The following DNAH17 variants were observed in gnomAD, a reference collection of about 807,000 sequenced individuals.
The protein encoded by DNAH17 is axonemal beta dynein heavy chain 17.
In DNAH17, 376 loss-of-function variants were observed where a neutral mutation model predicts 485.6. That is an observed-to-expected ratio of 0.77 (90% CI 0.71 to 0.84). DNAH17 has a LOEUF of 0.84. Among genes scored for constraint, DNAH17 ranks in the 40% least tolerant of loss-of-function variants. DNAH17 has a pLI of 0.00. For synonymous variants in DNAH17, 3,031 were observed against 2,405.9 expected (o/e 1.26, Z -7.60); for missense variants, 6,370 against 5,839.3 (o/e 1.09, Z -2.96).
At position 78,423,862 on chromosome 17, in the gene DNAH17, T is replaced by A. The variant is rs2086218205; in HGVS notation, c.*44A>T. On this transcript the variant is annotated 3_prime_UTR_variant, in exon 81 of 81. Transcript: ENST00000389840. The stretch of plus-strand genomic sequence containing the variant: ...CAGGTGCACAGGTGAAGGGCTGAGT[T>A]GTGGTCCAGCCCCAGGGAGTGTGGG... 6.2e-7 allele frequency: 1 copy of A among 1,606,680 alleles called. No individual in the cohort carries two copies. The highest frequency in any genetic ancestry group is 8.5e-7 in the Non-Finnish European group (1 of 1,174,968).
In DNAH17 at chr17:78,562,608, C is replaced by A. The variant is rs547320986; in HGVS notation, c.1570-628G>T. 3.5e-3 allele frequency among the ~76,000 whole-genome samples: 536 copies of A among 152,170 alleles called. 4 individuals carry two copies. The highest frequency in any genetic ancestry group is 0.012 in the African/African-American group (483 of 41,514). On this transcript the variant is annotated intron_variant, in intron 11 of 80. Coordinates refer to ENST00000389840, the MANE Select transcript of DNAH17 (RefSeq NM_173628.4). ...CTGCACCCCAGCCTGGGCAACAGAG[C>A]AAGACCCTGTCTCCAGAAAAAACAA...
intron 25 of DNAH17, among the ~76,000 whole-genome samples, chr17:78,523,637 G>A (rs2090990357): frequency 6.6e-6 from 1 of 152,252 alleles, no homozygotes; most frequent in African/African-American, 2.4e-5. Context: ...AGATACTGGA[G>A]GCTGATGCCT....
chr17:78,500,657 C>T (rs935238121), intron 35 of DNAH17, 196 bp from the exon 36 acceptor site: 21 of 437,990 alleles, frequency 4.8e-5, no homozygotes, highest in Middle Eastern at 6.3e-4. Context: ...TATAGGCGCC[C>T]GCCACCATGC....
At chr17:78,553,492 G>A (rs535275681) in intron 14 of DNAH17, among the ~76,000 whole-genome samples, 1 of 151,722 alleles carries the variant, frequency 6.6e-6, no homozygotes, top group African/African-American at 2.4e-5. Flanking sequence ...AGTAGACGCA[G>A]GGTTTCACTA....
At chr17:78,525,924 A>C (rs1040160207) in intron 24 of DNAH17, among the ~76,000 whole-genome samples, 2 of 152,182 alleles carry the variant, frequency 1.3e-5, no homozygotes, top group Non-Finnish European at 2.9e-5. Context: ...GAGTGAGGCA[A>C]CCCTGAGGAC....
chr17:78,426,992 A>T lies in DNAH17; in HGVS notation c.12705T>A (p.Cys4235Ter). Residue 4235 changes from cysteine (C) to a stop codon, truncating the protein, a stop_gained, in exon 78 of 81, where the codon TGT becomes TGA. Coordinates refer to ENST00000389840, the MANE Select transcript of DNAH17 (RefSeq NM_173628.4). LOFTEE classifies it high-confidence loss of function. Reference protein sequence around the residue: ...TPYVVVAFQECERMNILTNEM... With the variant: ...TPYVVVAFQE ...CGTTGGTCAGGATGTTCATTCTTTC[A>T]CATTCTTGAAAGGCGACTACCACGT... The T allele has an allele frequency of 6.2e-7, 1 of 1,610,432 alleles. No homozygotes were observed. The highest frequency in any genetic ancestry group is 8.5e-7 in the Non-Finnish European group (1 of 1,178,462).
intron 13 of DNAH17, 27 bp from the exon 14 acceptor site, chr17:78,558,281 C>T (rs1054968482): frequency 3.7e-6 from 6 of 1,610,594 alleles, no homozygotes; most frequent in Non-Finnish European, 8.5e-7. Context: ...GATCAAAGAA[C>T]ATGTCAGCAG....
chr17:78,445,530 A>C, intron 70 of DNAH17, 28 bp downstream of exon 70: 2 of 1,556,364 alleles, frequency 1.3e-6, no homozygotes, highest in South Asian at 2.4e-5. Context: ...GGGAGAAAGC[A>C]CAACGTGTTC....
chr17:78,502,017 C>T, intron 33 of DNAH17, 144 bp from the exon 34 acceptor site: 3 of 1,180,694 alleles, frequency 2.5e-6, no homozygotes, highest in Non-Finnish European at 3.6e-6. Flanking sequence ...CTCGGTAGGC[C>T]CCAGCCAGGC....
intron 51 of DNAH17, 157 bp downstream of exon 51, chr17:78,478,868 C>G (rs2089225089): frequency 1.6e-6 from 1 of 637,838 alleles, no homozygotes; most frequent in South Asian, 2.1e-5. Context: ...CTGTCACCAC[C>G]ACCATTACCA....
At chr17:78,554,427 ACT>A (rs1223121490) in intron 14 of DNAH17, among the ~76,000 whole-genome samples, 11 of 114,282 alleles carry the variant, frequency 9.6e-5, no homozygotes, top group African/African-American at 2.3e-4. Context: ...ATAGAATGAG[ACT>A]CTGTCTCAAA....
rs142690219 is a variant in DNAH17 at position 78,499,317 on chromosome 17, G to GC, written c.5641-206dup. 22,176 of 407,302 alleles carry GC rather than the reference G, an allele frequency of 0.054. 922 individuals carry two copies. The highest frequency in any genetic ancestry group is 0.14 in the African/African-American group (6,911 of 48,660). 25.2% of individuals were successfully genotyped at this position (407,302 alleles called of 1,614,324 possible). On this transcript the variant is annotated intron_variant, in intron 36 of 80. Coordinates refer to ENST00000389840, the MANE Select transcript of DNAH17 (RefSeq NM_173628.4). ...CGTGGAGGGCTGGACACGAGGAAGA[G>GC]CCATCCTTTCACCCTTGCCTCCCAG...
chr17:78,486,047 G>A lies in DNAH17; in HGVS notation c.7188C>T (p.Asp2396=). ...IKFPSQGTIF[D]YYIDPDTKKF... ...TTTTTGTGTCAGGATCAATGTAGTAGTCAAAAATCGTTCCCTGCGAGGGGA... is the reference window on the plus strand; with the variant it reads ...TTTTTGTGTCAGGATCAATGTAGTAATCAAAAATCGTTCCCTGCGAGGGGA... The change falls in exon 46 of 81, where the codon GAC becomes GAT. Residue 2396 remains aspartate (D), a synonymous_variant. Coordinates refer to ENST00000389840, the MANE Select transcript of DNAH17 (RefSeq NM_173628.4). 3 of 1,613,980 alleles carry A rather than the reference G, an allele frequency of 1.9e-6. No homozygotes were observed. The highest frequency in any genetic ancestry group is 2.5e-6 in the Non-Finnish European group (3 of 1,179,894).
intron 25 of DNAH17, among the ~76,000 whole-genome samples, chr17:78,524,693 A>C (rs2091018058): frequency 6.6e-6 from 1 of 151,322 alleles, no homozygotes. Flanking sequence ...TCCTTACTTA[A>C]AAAAATTTCT....
In DNAH17 at chr17:78,569,137, G is replaced by A. The variant is rs769686238; in HGVS notation, c.1284+29C>T. The stretch of plus-strand genomic sequence containing the variant: ...GGGTAGGAGCAGTCTGGGAAGTGGA[G>A]GTCAAGATGCACCGAGTTCTGTTTT... On this transcript the variant is annotated intron_variant, in intron 9 of 80. Coordinates refer to ENST00000389840, the MANE Select transcript of DNAH17 (RefSeq NM_173628.4). 5 of 1,545,920 alleles carry A rather than the reference G, an allele frequency of 3.2e-6. No homozygotes were observed. The African/African-American group carries it at 5.4e-5, about 17-fold the overall frequency.
At chr17:78,540,542 G>A (rs1490780964) in intron 17 of DNAH17, among the ~76,000 whole-genome samples, 1 of 97,648 alleles carries the variant, frequency 1.0e-5, no homozygotes. Context: ...TGGGTGGATG[G>A]GTGGGTGGGT....
intron 27 of DNAH17, among the ~76,000 whole-genome samples, chr17:78,508,019 G>A (rs2090535583): frequency 6.6e-6 from 1 of 152,158 alleles, no homozygotes; most frequent in Non-Finnish European, 1.5e-5. Context: ...TGGAACATAA[G>A]CCACTAAAGG....
In DNAH17 at chr17:78,495,691, G is replaced by A. The variant is rs61229126; in HGVS notation, c.5903+184C>T. On this transcript the variant is annotated intron_variant, in intron 38 of 80. Transcript: ENST00000389840. ...GACCTCAGGTGATCCACCCTCCTCAGCCGCCCAAAGTGCTGACATTACAGA... is the reference window on the plus strand; with the variant it reads ...GACCTCAGGTGATCCACCCTCCTCAACCGCCCAAAGTGCTGACATTACAGA... Among the ~76,000 whole-genome samples, 24,796 of 152,032 alleles carry A rather than the reference G, an allele frequency of 0.16. 2,149 individuals are homozygous for A. Among genetic ancestry groups the A allele is most frequent in the East Asian group, 0.25 (1,309 of 5,176 alleles).
chr17:78,566,370 A>C (rs2092265822), intron 11 of DNAH17, among the ~76,000 whole-genome samples: 1 of 152,224 alleles, frequency 6.6e-6, no homozygotes, highest in African/African-American at 2.4e-5. Context: ...AAGAAGTATC[A>C]GTAAAATAAT....
Sources: gnomAD v4.1 joint callset for allele counts (sites outside exome capture counted in the v4.1 genomes callset) on GRCh38, gnomAD v4.1.1 for gene constraint, MANE v1.5 for transcripts, NCBI Gene and HGNC (gene_info 2026-07-23, HGNC 2026-07-21) for gene names.